PRKAR1B: variants seen among roughly 807,000 people sequenced by gnomAD.
PRKAR1B encodes the protein protein kinase cAMP-dependent type I regulatory subunit beta.
Under a neutral mutation model 46.5 loss-of-function variants are expected in PRKAR1B, and 22 were observed. That is an observed-to-expected ratio of 0.47 (90% CI 0.34 to 0.68). The LOEUF (loss-of-function observed/expected upper bound fraction) is 0.68. Among genes scored for constraint, PRKAR1B ranks in the 30% least tolerant of loss-of-function variants. The pLI is 0.01. For missense variants in PRKAR1B, 445 were observed against 535.6 expected (o/e 0.83, Z 1.67); for synonymous variants, 259 against 217.7 (o/e 1.19, Z -1.67).
intron 7 of PRKAR1B, among the ~76,000 whole-genome samples, chr7:585,177 G>A (rs1477286738): frequency 1.3e-5 from 2 of 152,166 alleles, no homozygotes; most frequent in African/African-American, 4.8e-5. Context: ...GATTATAAAT[G>A]TGAATTAGAA....
intron 1 of PRKAR1B, chr7:726,753 G>A (rs1781308538): frequency 1.6e-6 from 2 of 1,246,948 alleles, no homozygotes; most frequent in East Asian, 3.1e-5. Context: ...AGGCCGTGGC[G>A]GCCCCACACC....
intron 4 of PRKAR1B, among the ~76,000 whole-genome samples, chr7:634,491 C>T (rs1783932400): frequency 6.6e-6 from 1 of 152,012 alleles, no homozygotes; most frequent in Non-Finnish European, 1.5e-5. Flanking sequence ...AAAAAAAGAA[C>T]TGGGACAGAG....
intron 3 of PRKAR1B, among the ~76,000 whole-genome samples, chr7:679,643 T>C (rs975908476): frequency 6.6e-6 from 1 of 152,236 alleles, no homozygotes; most frequent in Non-Finnish European, 1.5e-5. Context: ...GTGGTGGTGA[T>C]GATTCCACAA....
intron 2 of PRKAR1B, among the ~76,000 whole-genome samples, chr7:704,241 C>A (rs1286656831): frequency 6.6e-6 from 1 of 151,908 alleles, no homozygotes; most frequent in Non-Finnish European, 1.5e-5. Context: ...CAAAAATAGA[C>A]AAAATCGATG....
At chr7:727,186 TG>T in intron 1 of PRKAR1B, 23 bp downstream of exon 1, 1 of 1,343,818 alleles carries the variant, frequency 7.4e-7, no homozygotes, top group Non-Finnish European at 9.6e-7. Flanking sequence ...CGTGGACCTG[TG>T]CGGCGCCGCG....
intron 9 of PRKAR1B, among the ~76,000 whole-genome samples, chr7:558,653 T>C (rs550612398): frequency 1.9e-3 from 291 of 151,618 alleles, no homozygotes; most frequent in African/African-American, 6.8e-3. Flanking sequence ...CTGGGGAGGC[T>C]GAGGCAGGAG....
intron 4 of PRKAR1B, among the ~76,000 whole-genome samples, chr7:675,449 T>C (rs1366824991): frequency 6.6e-6 from 1 of 152,178 alleles, no homozygotes; most frequent in Non-Finnish European, 1.5e-5. Context: ...CATATGGAGG[T>C]CATTTAGATT....
intron 4 of PRKAR1B, among the ~76,000 whole-genome samples, chr7:650,890 C>T (rs10267050): frequency 0.11 from 16,977 of 152,102 alleles, 1,038 homozygotes; most frequent in South Asian, 0.26. Flanking sequence ...CGGATGCCTG[C>T]GGGACTCATC....
intron 2 of PRKAR1B, among the ~76,000 whole-genome samples, chr7:709,108 TAAAAAAA>T (rs67191707): frequency 5.7e-5 from 4 of 70,246 alleles, no homozygotes; most frequent in South Asian, 6.6e-4. Flanking sequence ...TATTTAATAC[TAAAAAAA>T]AAAAAAAAAA....
intron 9 of PRKAR1B, chr7:579,008 CA>C (rs1780025242): frequency 2.0e-6 from 2 of 984,394 alleles, no homozygotes; most frequent in African/African-American, 3.5e-5. Context: ...ATCACACGTG[CA>C]GCTCAGGCAC....
chr7:661,998 A>C (rs866203554), intron 4 of PRKAR1B, among the ~76,000 whole-genome samples: 110 of 12,166 alleles, frequency 9.0e-3, no homozygotes, highest in South Asian at 0.015. Flanking sequence ...ACTCTCCCCC[A>C]CATGGCACAG....
chr7:564,701 C>CAT (rs1779027130), intron 9 of PRKAR1B, among the ~76,000 whole-genome samples: 1 of 152,334 alleles, frequency 6.6e-6, no homozygotes, highest in African/African-American at 2.4e-5. Context: ...TGCCCAGATG[C>CAT]ATCTATAAAT....
chr7:689,856 A>G (rs1779313638), intron 2 of PRKAR1B, among the ~76,000 whole-genome samples: 1 of 151,748 alleles, frequency 6.6e-6, no homozygotes, highest in Admixed American at 6.6e-5. Flanking sequence ...ATTTTTTTGT[A>G]TTTTTAGTAG....
chr7:663,747 C>T (rs1203775021), intron 4 of PRKAR1B, among the ~76,000 whole-genome samples: 1 of 152,094 alleles, frequency 6.6e-6, no homozygotes, highest in Admixed American at 6.5e-5. Flanking sequence ...GACAGTGTTA[C>T]CACGTGCCCT....
rs1033674261 is a variant in PRKAR1B, at chr7:701,362, T to C, written c.177+9967A>G. Among the ~76,000 whole-genome samples, 6 of 151,206 alleles carry C rather than the reference T, an allele frequency of 4.0e-5. No individual in the cohort carries two copies. The East Asian group carries it at 1.2e-3, about 29-fold the overall frequency. On this transcript the variant is annotated intron_variant, in intron 2 of 10. Coordinates refer to ENST00000537384, the MANE Select transcript of PRKAR1B (RefSeq NM_001164760.2). Reference sequence around the variant, plus strand: ...AAAGAAAAAGAAAGAAAGAAAGAGATTTAACAGAGCCTCAGGGACTTGCGG... The same window carrying C: ...AAAGAAAAAGAAAGAAAGAAAGAGACTTAACAGAGCCTCAGGGACTTGCGG...
At chr7:704,818 T>A (rs1780235390) in intron 2 of PRKAR1B, among the ~76,000 whole-genome samples, 1 of 152,058 alleles carries the variant, frequency 6.6e-6, no homozygotes, top group Admixed American at 6.6e-5. Flanking sequence ...AAATATTTTG[T>A]AAATTAAATA....
At chr7:626,008 CA>C (rs71016892) in intron 4 of PRKAR1B, among the ~76,000 whole-genome samples, 2,258 of 110,436 alleles carry the variant, frequency 0.02, 21 homozygotes, top group African/African-American at 0.034. Flanking sequence ...AACTCCATCT[CA>C]AAAAAAAAAA....
chr7:719,932 C>T (rs1376996115), intron 1 of PRKAR1B, among the ~76,000 whole-genome samples: 1 of 152,094 alleles, frequency 6.6e-6, no homozygotes, highest in African/African-American at 2.4e-5. Context: ...AAGTTGCGTG[C>T]AGCAATTCTT....
rs539988604 is a variant in PRKAR1B, at chr7:640,033, T to G, written c.441-32581A>C. 5.3e-5 allele frequency among the ~76,000 whole-genome samples: 8 copies of G among 150,004 alleles called. No homozygotes were observed. The East Asian group carries it at 8.1e-4, about 15-fold the overall frequency. ...AAAAAGTTAGCCAGGCGTGGTGGCATGCGCCTGTAGTCCCAGCTACTCAGG... is the reference window on the plus strand; with the variant it reads ...AAAAAGTTAGCCAGGCGTGGTGGCAGGCGCCTGTAGTCCCAGCTACTCAGG... On this transcript the variant is annotated intron_variant, in intron 4 of 10. Coordinates refer to ENST00000537384, the MANE Select transcript of PRKAR1B (RefSeq NM_001164760.2).
Sources: allele counts gnomAD v4.1 joint callset (sites outside exome capture counted in the v4.1 genomes callset), GRCh38; gene constraint gnomAD v4.1.1; transcripts MANE v1.5; gene names NCBI Gene and HGNC (gene_info 2026-07-23, HGNC 2026-07-21).